Variants in PSME4 observed in about 807,000 individuals in gnomAD.
PSME4 encodes proteasome activator subunit 4.
PSME4 carries 89 observed loss-of-function variants against 253.9 expected under a neutral mutation model. The ratio of observed to expected loss-of-function variants is 0.35; its 90% CI spans 0.30 to 0.42. The LOEUF is 0.42. Among genes scored for constraint, PSME4 ranks in the 10% least tolerant of loss-of-function variants. The pLI, the probability that PSME4 is intolerant of heterozygous loss-of-function variation, is 1.00. For synonymous variants in PSME4, 851 were observed against 759.2 expected (o/e 1.12, Z -1.99); for missense variants, 2,014 against 2,195.2 (o/e 0.92, Z 1.65).
At chr2:53,894,913 G>GA (rs1320649874) in intron 34 of PSME4, 94 bp downstream of exon 34, 79 of 1,119,414 alleles carry the variant, frequency 7.1e-5, no homozygotes, top group African/African-American at 9.4e-5. Context: ...ATTGTATTAA[G>GA]AAAAAAAAGA....
chr2:53,932,191 T>G, intron 9 of PSME4, 91 bp from the exon 10 acceptor site: 4 of 1,198,388 alleles, frequency 3.3e-6, no homozygotes, highest in Non-Finnish European at 4.7e-6. Context: ...GAAAAGATTT[T>G]AAAAATAACA....
intron 27 of PSME4, 85 bp from the exon 28 acceptor site, chr2:53,901,644 T>C: frequency 9.6e-7 from 1 of 1,039,278 alleles, no homozygotes; most frequent in Non-Finnish European, 1.4e-6. Flanking sequence ...GTATTGGTTT[T>C]AAATGAGTAT....
intron 10 of PSME4, among the ~76,000 whole-genome samples, chr2:53,928,837 C>T (rs1397241064): frequency 6.6e-6 from 1 of 152,172 alleles, no homozygotes; most frequent in Non-Finnish European, 1.5e-5. Flanking sequence ...CTTACCAACT[C>T]TTTCCATGCC....
At chr2:53,910,775 T>C (rs1667795325) in intron 20 of PSME4, among the ~76,000 whole-genome samples, 1 of 152,228 alleles carries the variant, frequency 6.6e-6, no homozygotes, top group South Asian at 2.1e-4. Context: ...GGACAGATTT[T>C]ATAGGAAAAT....
intron 20 of PSME4, among the ~76,000 whole-genome samples, chr2:53,911,673 C>T (rs530127493): frequency 6.6e-6 from 1 of 151,450 alleles, no homozygotes; most frequent in East Asian, 2.0e-4. Flanking sequence ...CTGCCATAAA[C>T]ACTTAGTTTT....
At chr2:53,919,583 T>C (rs17045397) in intron 19 of PSME4, among the ~76,000 whole-genome samples, 1,541 of 152,294 alleles carry the variant, frequency 0.01, 27 homozygotes, top group African/African-American at 0.036. Context: ...TTCCAGCTTA[T>C]TCCATCTTTT....
At chr2:53,885,625 T>C (rs571514175) in intron 41 of PSME4, 65 bp downstream of exon 41, 1 of 1,211,044 alleles carries the variant, frequency 8.3e-7, no homozygotes, top group East Asian at 2.4e-5. Flanking sequence ...AACCATCAGA[T>C]GATGAACACA....
chr2:53,930,221 A>C (rs1302695599), intron 10 of PSME4, among the ~76,000 whole-genome samples: 1 of 152,170 alleles, frequency 6.6e-6, no homozygotes, highest in Non-Finnish European at 1.5e-5. Context: ...TTTAGGACTA[A>C]AGAAAAACGT....
chr2:53,890,019 G>A, intron 37 of PSME4, 85 bp downstream of exon 37: 1 of 1,031,864 alleles, frequency 9.7e-7, no homozygotes, highest in Middle Eastern at 2.1e-4. Flanking sequence ...TTTAAGAAGT[G>A]TTATGAGATT....
chr2:53,960,103 T>A (rs931548971), intron 1 of PSME4, among the ~76,000 whole-genome samples: 10 of 152,106 alleles, frequency 6.6e-5, no homozygotes, highest in African/African-American at 2.2e-4. Flanking sequence ...ATCTGCAGAA[T>A]TAAGAGTCAT....
intron 8 of PSME4, among the ~76,000 whole-genome samples, chr2:53,933,489 C>G (rs1380884098): frequency 6.6e-6 from 1 of 151,854 alleles, no homozygotes; most frequent in Non-Finnish European, 1.5e-5. Flanking sequence ...AAGCGATCCT[C>G]CCACCTCAGC....
At position 53,932,242 on chromosome 2, in the gene PSME4, A is replaced by G. The variant is rs1050014760; in HGVS notation, c.1051-142T>C. 9 of 687,356 alleles carry G rather than the reference A, an allele frequency of 1.3e-5. No individual in the cohort carries two copies. The African/African-American group carries it at 1.6e-4, about 12-fold the overall frequency. 42.6% of individuals were successfully genotyped at this position (687,356 alleles called of 1,614,324 possible). On this transcript the variant is annotated intron_variant, in intron 9 of 46. Coordinates refer to ENST00000404125, the MANE Select transcript of PSME4 (RefSeq NM_014614.3). Reference sequence around the variant, plus strand: ...TTACAAAGAACTGCACAGCATAACTAGATAGAATTAAAAGTTACCAATTAA... The same window carrying G: ...TTACAAAGAACTGCACAGCATAACTGGATAGAATTAAAAGTTACCAATTAA...
intron 20 of PSME4, among the ~76,000 whole-genome samples, chr2:53,917,029 A>G (rs1308991458): frequency 6.7e-6 from 1 of 148,420 alleles, no homozygotes; most frequent in Non-Finnish European, 1.5e-5. Context: ...TAAAAATTGA[A>G]GTTTTATTGT....
intron 43 of PSME4, chr2:53,869,840 A>G (rs556841598): frequency 5.5e-6 from 1 of 182,748 alleles, no homozygotes; most frequent in African/African-American, 2.3e-5. Context: ...TAACTGTAAA[A>G]GCAGTGCCAG....
chr2:53,908,283 A>C, intron 24 of PSME4, 37 bp downstream of exon 24: 1 of 1,523,696 alleles, frequency 6.6e-7, no homozygotes, highest in Non-Finnish European at 9.0e-7. Flanking sequence ...TACGACTTTA[A>C]AACAATTAGT....
chr2:53,964,136 C>G (rs951594785), intron 1 of PSME4, among the ~76,000 whole-genome samples: 1 of 151,860 alleles, frequency 6.6e-6, no homozygotes, highest in Non-Finnish European at 1.5e-5. Context: ...GAAAAGAAAA[C>G]GACAAGCTGT....
chr2:53,920,785 C>T, intron 18 of PSME4, 104 bp downstream of exon 18: 1 of 958,146 alleles, frequency 1.0e-6, no homozygotes, highest in South Asian at 1.5e-5. Context: ...AATAATCTAT[C>T]TTAAAAGTAA....
intron 10 of PSME4, among the ~76,000 whole-genome samples, chr2:53,929,249 G>C (rs1370611068): frequency 1.3e-5 from 2 of 151,972 alleles, no homozygotes; most frequent in African/African-American, 2.4e-5. Context: ...CTAACGGTCA[G>C]TCAGTGGAAT....
chr2:53,873,662 A>G, intron 43 of PSME4, among the ~76,000 whole-genome samples: 1 of 152,254 alleles, frequency 6.6e-6, no homozygotes, highest in Non-Finnish European at 1.5e-5. Flanking sequence ...CAAAAAAAGG[A>G]CAGCAAACCT....
Sources: allele counts gnomAD v4.1 joint callset (sites outside exome capture counted in the v4.1 genomes callset), GRCh38; gene constraint gnomAD v4.1.1; transcripts MANE v1.5; gene names NCBI Gene and HGNC (gene_info 2026-07-23, HGNC 2026-07-21).